HIBCH: variants seen among roughly 807,000 people sequenced by gnomAD.
The protein encoded by HIBCH is 3-hydroxyisobutyryl-CoA hydrolase, also known as 3-hydroxyisobutyryl-CoA hydrolase, mitochondrial.
Under a neutral mutation model 58.2 loss-of-function variants are expected in HIBCH, and 50 were observed. That is an observed-to-expected ratio of 0.86 (90% CI 0.68 to 1.09). The LOEUF is 1.09. HIBCH is among the 50% of genes least tolerant of loss of function. The pLI, the probability that HIBCH is intolerant of heterozygous loss-of-function variation, is 0.00. For missense variants in HIBCH, 450 were observed against 449.7 expected (o/e 1.00, Z -0.01); for synonymous variants, 151 against 146.9 (o/e 1.03, Z -0.20).
At chr2:190,232,163 C>A (rs1188888837) in intron 11 of HIBCH, among the ~76,000 whole-genome samples, 4 of 152,042 alleles carry the variant, frequency 2.6e-5, no homozygotes, top group Non-Finnish European at 5.9e-5. Context: ...CCACTGCACT[C>A]CAGCCCGGGC....
chr2:190,194,263 ATGT>A (rs887079589), intron 1 of HIBCH, among the ~76,000 whole-genome samples: 9 of 152,134 alleles, frequency 5.9e-5, no homozygotes, highest in African/African-American at 2.2e-4. Flanking sequence ...TTGGAGCATA[ATGT>A]TGTTCAGAAC....
Position 190,204,446 on chromosome 2 carries a change from T to G in HIBCH, c.*671A>C, listed in dbSNP as rs1457709869. ...TGATTATTTTAGGGAAGACCAAGTC[T>G]GAGTTAATACTGAAGAGGGACGTTA... On this transcript the variant is annotated 3_prime_UTR_variant, in exon 14 of 14. Coordinates refer to ENST00000359678, the MANE Select transcript of HIBCH (RefSeq NM_014362.4). The G allele has an allele frequency of 6.6e-6, 1 of 152,144 alleles. No individual in the cohort carries two copies. Among genetic ancestry groups the G allele is most frequent in the Non-Finnish European group, 1.5e-5 (1 of 67,978 alleles). 9.4% of individuals were successfully genotyped at this position (152,144 alleles called of 1,614,324 possible).
chr2:190,296,752 A>G (rs1688112801), intron 3 of HIBCH, 61 bp downstream of exon 3: 1 of 1,409,926 alleles, frequency 7.1e-7, no homozygotes, highest in Admixed American at 1.7e-5. Flanking sequence ...AATACCAGAA[A>G]TGTCCTATTA....
downstream of HIBCH, chr2:190,200,070 G>C: frequency 6.2e-7 from 1 of 1,614,058 alleles, no homozygotes; most frequent in Admixed American, 1.7e-5. Context: ...AGGATATCTT[G>C]TGTGATGCCT....
chr2:190,246,030 C>A, intron 10 of HIBCH, 124 bp downstream of exon 10: 2 of 556,198 alleles, frequency 3.6e-6, no homozygotes, highest in African/African-American at 2.0e-5. Flanking sequence ...TCTATACTTT[C>A]TGATCTCAGA....
chr2:190,249,663 CAG>C lies in HIBCH; in HGVS notation c.725_726del (p.Ser242CysfsTer10). 6.2e-7 allele frequency: 1 copy of C among 1,602,776 alleles called. No homozygotes were observed. On this transcript the variant is annotated frameshift_variant, in exon 9 of 14. Coordinates refer to ENST00000359678, the MANE Select transcript of HIBCH (RefSeq NM_014362.4). LOFTEE classifies it high-confidence loss of function. ...LKSPSKENIA[S>X]VLENYHTESK... is the part of the protein sequence containing the mutation. ...ACCTCTGTATGGTAATTTTCTAAGA[CAG>C]ATGCAATATTTTCTTTTGAAGGAGA...
At position 190,298,468 on chromosome 2, in the gene HIBCH, T is replaced by C. The variant is rs139816006; in HGVS notation, c.79-1515A>G. Among the ~76,000 whole-genome samples the C allele has an allele frequency of 2.2e-3, 331 of 152,332 alleles. 5 individuals carry two copies. The highest frequency in any genetic ancestry group is 0.02 in the East Asian group (106 of 5,190). Reference sequence around the variant, plus strand: ...GCTGACTGCGTGAGATGGTATCTCATTGAGGTTTTGATTTGCATTTCTCTA... The same window carrying C: ...GCTGACTGCGTGAGATGGTATCTCACTGAGGTTTTGATTTGCATTTCTCTA... On this transcript the variant is annotated intron_variant, in intron 2 of 13. Coordinates refer to ENST00000359678, the MANE Select transcript of HIBCH (RefSeq NM_014362.4).
rs1014855674 is a variant in HIBCH at position 190,214,144 on chromosome 2, C to T, written c.892-1069G>A. On this transcript the variant is annotated intron_variant, in intron 11 of 13. Transcript: ENST00000359678. This position sits in a 1 kb window ranked among gnomAD's most constrained non-coding sequence, Gnocchi z 5.5. Reference sequence around the variant, plus strand: ...GCTCCCCGCAGAAGCCACAGACAAACCCAAGTCTTGTTCAGGAGACAGCGG... The same window carrying T: ...GCTCCCCGCAGAAGCCACAGACAAATCCAAGTCTTGTTCAGGAGACAGCGG... 2 of 152,186 alleles carry T rather than the reference C, an allele frequency of 1.3e-5. No individual in the cohort carries two copies. The highest frequency in any genetic ancestry group is 6.5e-5 in the Admixed American group (1 of 15,272). 9.4% of individuals were successfully genotyped at this position (152,186 alleles called of 1,614,324 possible). A position where few individuals can be genotyped will look rare whatever the true frequency, so the allele number is the denominator to read the frequency against.
At chr2:190,230,792 T>A (rs994824698) in intron 11 of HIBCH, among the ~76,000 whole-genome samples, 8 of 152,222 alleles carry the variant, frequency 5.3e-5, no homozygotes, top group African/African-American at 1.9e-4. Context: ...TAAATTTATA[T>A]AAACTTTTCC....
rs558939465 is a variant in HIBCH at position 190,206,915 on chromosome 2, G to C, written c.1046-1683C>G. On this transcript the variant is annotated intron_variant, in intron 13 of 13. Coordinates refer to ENST00000359678, the MANE Select transcript of HIBCH (RefSeq NM_014362.4). This position sits in a 1 kb window ranked among gnomAD's most constrained non-coding sequence, Gnocchi z 5.1. ...CTGAGGTAGGCGGATTACGAGGTCA[G>C]GAGATCGAGACCATCCTGGCTAACA... 3.2e-4 allele frequency among the ~76,000 whole-genome samples: 49 copies of C among 152,174 alleles called. No individual in the cohort carries two copies. Among genetic ancestry groups the C allele is most frequent in the Non-Finnish European group, 5.3e-4 (36 of 68,004 alleles).
At chr2:190,266,605 G>A (rs1575736295) in intron 6 of HIBCH, among the ~76,000 whole-genome samples, 1 of 151,660 alleles carries the variant, frequency 6.6e-6, no homozygotes, top group South Asian at 2.1e-4. Context: ...AGCTAATTTT[G>A]GTATTTTTAG....
chr2:190,292,275 T>C (rs1347112474), intron 4 of HIBCH, among the ~76,000 whole-genome samples: 1 of 152,006 alleles, frequency 6.6e-6, no homozygotes, highest in African/African-American at 2.4e-5. Context: ...TCCTTCAAAA[T>C]GTTCCATATG....
At chr2:190,263,229 C>T (rs1165299939) in intron 6 of HIBCH, among the ~76,000 whole-genome samples, 1 of 152,110 alleles carries the variant, frequency 6.6e-6, no homozygotes, top group Non-Finnish European at 1.5e-5. Flanking sequence ...AAATATAATA[C>T]TTTATTCCAA....
chr2:190,298,811 T>C (rs1306592026), intron 2 of HIBCH, among the ~76,000 whole-genome samples: 1 of 152,192 alleles, frequency 6.6e-6, no homozygotes, highest in African/African-American at 2.4e-5. Flanking sequence ...AGTTATGAAG[T>C]CTTTGCCCAC....
chr2:190,271,419 A>G (rs1282582867), intron 6 of HIBCH, among the ~76,000 whole-genome samples: 2 of 151,008 alleles, frequency 1.3e-5, no homozygotes, highest in African/African-American at 2.4e-5. Flanking sequence ...CCTCCCAGGT[A>G]GCTGGGATTA....
chr2:190,223,263 G>C (rs1685779230), intron 11 of HIBCH, among the ~76,000 whole-genome samples: 1 of 152,142 alleles, frequency 6.6e-6, no homozygotes, highest in African/African-American at 2.4e-5. Context: ...AGAACTTAAA[G>C]TATAATAAAA....
At chr2:190,234,540 T>C (rs182930448) in intron 11 of HIBCH, among the ~76,000 whole-genome samples, 1 of 152,068 alleles carries the variant, frequency 6.6e-6, no homozygotes, top group African/African-American at 2.4e-5. Flanking sequence ...CAAAAGAAAC[T>C]AGACACAAAA....
intron 1 of HIBCH, among the ~76,000 whole-genome samples, chr2:190,192,458 G>GTA (rs1437443794): frequency 8.5e-6 from 1 of 117,614 alleles, no homozygotes; most frequent in Non-Finnish European, 1.7e-5. Context: ...GAATCTGTGT[G>GTA]TGTGTGTGTG....
Position 190,197,202 on chromosome 2 carries a change from C to T in HIBCH, c.*18-7205G>A, listed in dbSNP as rs1370156840. On this transcript the variant is annotated intron_variant, in intron 1 of 1. Transcript: ENST00000399855. This position sits in a 1 kb window ranked among gnomAD's most constrained non-coding sequence, Gnocchi z 4.0. ...TGGAGAAGCCACAAACATCCTAGCT[C>T]ACAAGCCTAAGTCATAGCCCTTTAA... 6.6e-6 allele frequency among the ~76,000 whole-genome samples: 1 copy of T among 152,162 alleles called. No individual in the cohort carries two copies. The highest frequency in any genetic ancestry group is 2.4e-5 in the African/African-American group (1 of 41,446).
Sources: allele counts gnomAD v4.1 joint callset (sites outside exome capture counted in the v4.1 genomes callset), GRCh38; gene constraint gnomAD v4.1.1; non-coding constraint Gnocchi (gnomAD v3.1); transcripts MANE v1.5; gene names NCBI Gene and HGNC (gene_info 2026-07-23, HGNC 2026-07-21).